CRAMP1: variants seen among roughly 807,000 people sequenced by gnomAD.
CRAMP1 encodes cramped chromatin regulator 1.
A neutral mutation model predicts 115.4 loss-of-function variants in CRAMP1; 50 were observed. That is an observed-to-expected ratio of 0.43 (90% CI 0.35 to 0.55). The LOEUF (loss-of-function observed/expected upper bound fraction) is 0.55. Among genes scored for constraint, CRAMP1 ranks in the 20% least tolerant of loss-of-function variants. The pLI is 0.01. For missense variants in CRAMP1, 1,679 were observed against 1,721.7 expected (o/e 0.98, Z 0.44); for synonymous variants, 866 against 745.4 (o/e 1.16, Z -2.64).
At chr16:1,620,408 A>G (rs2036456237) in intron 2 of CRAMP1, among the ~76,000 whole-genome samples, 1 of 152,156 alleles carries the variant, frequency 6.6e-6, no homozygotes, top group South Asian at 2.1e-4. Flanking sequence ...TTTCTAGCTG[A>G]GAAATGAGTG....
chr16:1,652,363 G>A (rs557880634), intron 6 of CRAMP1, 133 bp from the exon 7 acceptor site: 16 of 673,362 alleles, frequency 2.4e-5, no homozygotes, highest in Middle Eastern at 3.8e-4. Flanking sequence ...ACTGTCCTAC[G>A]CGGGCTCGAG....
chr16:1,667,127 A>G (rs2036882835), intron 16 of CRAMP1, among the ~76,000 whole-genome samples: 1 of 152,212 alleles, frequency 6.6e-6, no homozygotes, highest in African/African-American at 2.4e-5. Flanking sequence ...TCACTCTTGG[A>G]AGCAACAAAA....
chr16:1,660,868 C>T (rs1019455500), intron 11 of CRAMP1, among the ~76,000 whole-genome samples: 8 of 152,064 alleles, frequency 5.3e-5, no homozygotes, highest in African/African-American at 1.7e-4. Context: ...ACTAGTCTGA[C>T]GTGGTGGTGC....
chr16:1,636,483 G>C (rs185220344), intron 4 of CRAMP1, among the ~76,000 whole-genome samples: 1 of 152,132 alleles, frequency 6.6e-6, no homozygotes, highest in East Asian at 1.9e-4. Context: ...AGCCGTGTCC[G>C]AGACCCATGG....
At chr16:1,638,157 T>A (rs1429065016) in intron 5 of CRAMP1, among the ~76,000 whole-genome samples, 3 of 152,190 alleles carry the variant, frequency 2.0e-5, no homozygotes, top group Non-Finnish European at 4.4e-5. Context: ...GTTCACACAC[T>A]CTGCATTCCA....
In CRAMP1 at chr16:1,670,717, A is replaced by G; in HGVS notation, c.3553A>G (p.Thr1185Ala). Residue 1185 changes from threonine (T) to alanine (A), a missense_variant, in exon 20 of 21, where the codon ACC becomes GCC. This residue lies in a region of CRAMP1 where 709 missense variants were observed against 741.9 expected (regional missense o/e 0.96). Transcript: ENST00000397412. ...GAAGATGTTGCCGACTCCCATTGGG[A>G]CCAACAGTGGCACTTCCTTGCTTGG... is the stretch of plus-strand genomic sequence containing the variant. ...SRKMLPTPIGTNSGTSLLGPS... is the reference protein window; with the variant it reads ...SRKMLPTPIGANSGTSLLGPS... 6.2e-7 allele frequency: 1 copy of G among 1,613,886 alleles called. No individual in the cohort carries two copies.
intron 5 of CRAMP1, among the ~76,000 whole-genome samples, chr16:1,639,831 C>T (rs980537037): frequency 6.6e-6 from 1 of 152,242 alleles, no homozygotes; most frequent in South Asian, 2.1e-4. Flanking sequence ...TTGGGGTTTT[C>T]CTTTTGATTT....
At position 1,614,670 on chromosome 16, in the gene CRAMP1, G is replaced by T; in HGVS notation, c.31G>T (p.Gly11Trp). Residue 11 changes from glycine (G) to tryptophan (W), a missense_variant, in exon 2 of 21, where the codon GGG becomes TGG. By Grantham distance (184) the Gly-to-Trp change is radical (BLOSUM62 -2). Transcript: ENST00000397412. The surrounding 1 kb of genome is among the most constrained non-coding windows in gnomAD (Gnocchi z 4.4). Reference sequence around the variant, plus strand: ...AGTGAAGTTGGGCGACGGCGGCAGCGGGGAGGACGGGCTCAAGAAGCTGGG... The same window carrying T: ...AGTGAAGTTGGGCGACGGCGGCAGCTGGGAGGACGGGCTCAAGAAGCTGGG... Reference protein sequence around the residue: MTVKLGDGGSGEDGLKKLGKR... With the variant: MTVKLGDGGSWEDGLKKLGKR... The T allele has an allele frequency of 7.7e-7, 1 of 1,300,590 alleles. No individual in the cohort carries two copies. Among genetic ancestry groups the T allele is most frequent in the South Asian group, 2.4e-5 (1 of 41,436 alleles). 80.6% of individuals were successfully genotyped at this position (1,300,590 alleles called of 1,614,324 possible). A position where few individuals can be genotyped will look rare whatever the true frequency, so the allele number is the denominator to read the frequency against.
At chr16:1,617,772 T>C (rs1490485012) in intron 2 of CRAMP1, among the ~76,000 whole-genome samples, 1 of 152,260 alleles carries the variant, frequency 6.6e-6, no homozygotes, top group Admixed American at 6.5e-5. Context: ...GAAGACACTC[T>C]TATTGACTTC....
rs1182404129 is a variant in CRAMP1, at chr16:1,671,834, C to T, written c.3645+1025C>T. ...TTGAGATGATGAACTCATGGGCAGG[C>T]TTTGGAGAATTCCAAGCCAAGCCAT... On this transcript the variant is annotated intron_variant, in intron 20 of 20. Coordinates refer to ENST00000397412, the MANE Select transcript of CRAMP1 (RefSeq NM_020825.4). The surrounding 1 kb of genome is among the most constrained non-coding windows in gnomAD (Gnocchi z 5.0). 6.6e-6 allele frequency among the ~76,000 whole-genome samples: 1 copy of T among 152,206 alleles called. No homozygotes were observed. The highest frequency in any genetic ancestry group is 6.5e-5 in the Admixed American group (1 of 15,278).
At chr16:1,653,748 G>A (rs1025097466) in intron 8 of CRAMP1, among the ~76,000 whole-genome samples, 3 of 151,310 alleles carry the variant, frequency 2.0e-5, no homozygotes, top group Non-Finnish European at 4.4e-5. Flanking sequence ...GTGAACCCGG[G>A]AGGCGGAGCT....
intron 11 of CRAMP1, among the ~76,000 whole-genome samples, chr16:1,660,481 A>C (rs1377129463): frequency 2.0e-5 from 3 of 152,208 alleles, no homozygotes; most frequent in East Asian, 3.8e-4. Flanking sequence ...GTAGGTTAAC[A>C]CAAGTCCCGG....
intron 6 of CRAMP1, among the ~76,000 whole-genome samples, chr16:1,651,749 CAT>C (rs2036725524): frequency 6.7e-6 from 1 of 149,088 alleles, no homozygotes; most frequent in South Asian, 2.1e-4. Flanking sequence ...ACACAGAGGT[CAT>C]AGAGAGGTGG....
In CRAMP1 at chr16:1,667,394, TTTCCAGG is replaced by T. The variant is rs777232605; in HGVS notation, c.3098_3102+2del. On this transcript the variant is annotated splice_donor_variant and coding_sequence_variant, in exon 17 of 21. Coordinates refer to ENST00000397412, the MANE Select transcript of CRAMP1 (RefSeq NM_020825.4). LOFTEE classifies it high-confidence loss of function. ...CTGAGCAGGAGCCAGTGGCAGACAG[TTTCCAGG>T]TAGAGTGTGCTCTTGGGCTGCTGAG... 4.8e-5 allele frequency: 77 copies of T among 1,612,508 alleles called. No homozygotes were observed. The Admixed American group carries it at 5.0e-4, about 10-fold the overall frequency.
At chr16:1,640,256 G>C (rs2036621076) in intron 5 of CRAMP1, among the ~76,000 whole-genome samples, 1 of 152,088 alleles carries the variant, frequency 6.6e-6, no homozygotes, top group South Asian at 2.1e-4. Context: ...ATTCTTAAAA[G>C]ATGTATTTGC....
At position 1,638,459 on chromosome 16, in the gene CRAMP1, A is replaced by G. The variant is rs550883949; in HGVS notation, c.778+552A>G. Among the ~76,000 whole-genome samples, 8 of 152,216 alleles carry G rather than the reference A, an allele frequency of 5.3e-5. No homozygotes were observed. The East Asian group carries it at 1.5e-3, about 29-fold the overall frequency. ...CTGCCTGGGCTTCTGAGACATTGCA[A>G]CGCGCTCAGGCCTTCCTCACGCAGG... On this transcript the variant is annotated intron_variant, in intron 5 of 20. Transcript: ENST00000397412.
intron 11 of CRAMP1, among the ~76,000 whole-genome samples, 195 bp from the exon 12 acceptor site, chr16:1,662,295 G>A (rs1015026324): frequency 6.6e-6 from 1 of 152,202 alleles, no homozygotes; most frequent in Non-Finnish European, 1.5e-5. Context: ...TGCTCAAAAT[G>A]GGAACAAGAA....
chr16:1,648,637 A>G (rs2036696709), intron 6 of CRAMP1, among the ~76,000 whole-genome samples: 2 of 151,870 alleles, frequency 1.3e-5, no homozygotes, highest in Non-Finnish European at 2.9e-5. Flanking sequence ...CTCCATGCTT[A>G]ATGACTGCTT....
At chr16:1,618,712 T>C (rs949914258) in intron 2 of CRAMP1, among the ~76,000 whole-genome samples, 2 of 152,186 alleles carry the variant, frequency 1.3e-5, no homozygotes, top group Non-Finnish European at 2.9e-5. Flanking sequence ...AGTTTCTAGA[T>C]GTTTCAAAAA....
Sources: gnomAD v4.1 joint callset for allele counts (sites outside exome capture counted in the v4.1 genomes callset) on GRCh38, gnomAD v4.1.1 for gene constraint, gnomAD v4.1.1 regional missense constraint, Gnocchi (gnomAD v3.1) non-coding constraint, MANE v1.5 for transcripts, NCBI Gene and HGNC (gene_info 2026-07-23, HGNC 2026-07-21) for gene names.